DTNBP1: variants seen among roughly 807,000 people sequenced by gnomAD.
The protein encoded by DTNBP1 is dystrobrevin binding protein 1.
A neutral mutation model predicts 42.8 loss-of-function variants in DTNBP1; 35 were observed. The ratio of observed to expected loss-of-function variants is 0.82; its 90% CI spans 0.63 to 1.09. The LOEUF (loss-of-function observed/expected upper bound fraction) is 1.09. DTNBP1 is among the 50% of genes least tolerant of loss of function. DTNBP1 has a pLI of 0.00. For synonymous variants in DTNBP1, 171 were observed against 162.2 expected, an observed-to-expected ratio of 1.05 and a Z score of -0.41; for missense variants, 457 against 424.2, an observed-to-expected ratio of 1.08 and a Z score of -0.68.
intron 7 of DTNBP1, among the ~76,000 whole-genome samples, chr6:15,577,957 G>A (rs930620986): frequency 2.0e-5 from 3 of 152,236 alleles, no homozygotes; most frequent in African/African-American, 4.8e-5. Flanking sequence ...TATTAGTCAT[G>A]TGTTTACTTT....
Position 15,593,068 on chromosome 6 carries a change from T to C in DTNBP1, c.502A>G (p.Thr168Ala). 1 of 1,584,900 alleles carries C rather than the reference T, an allele frequency of 6.3e-7. No homozygotes were observed. The highest frequency in any genetic ancestry group is 8.6e-7 in the Non-Finnish European group (1 of 1,164,838). Residue 168 changes from threonine to alanine, a missense_variant, in exon 7 of 10, where the codon ACC becomes GCC. Transcript: ENST00000344537. ...ATTAACACAAAATTACCTTTGAAGG[T>C]TTCAAGTTCCTTCCTGTAGGAAAAA... is the stretch of plus-strand genomic sequence containing the variant. ...YKKNKRKELE[T>A]FKAELDAEHA...
intron 6 of DTNBP1, among the ~76,000 whole-genome samples, chr6:15,598,528 A>T (rs1776600401): frequency 6.6e-6 from 1 of 152,176 alleles, no homozygotes; most frequent in Non-Finnish European, 1.5e-5. Context: ...TCCCTTTGTT[A>T]TGGCTGATGG....
rs546274947 is a variant in DTNBP1 at position 15,558,721 on chromosome 6, T to C, written c.512-25326A>G. Reference sequence around the variant, plus strand: ...TAAACTGAATAAAACACTGAAATAATCTGTTTATGACTTTCTACTTAAAAT... The same window carrying C: ...TAAACTGAATAAAACACTGAAATAACCTGTTTATGACTTTCTACTTAAAAT... On this transcript the variant is annotated intron_variant, in intron 7 of 9. Transcript: ENST00000344537. Among the ~76,000 whole-genome samples the C allele has an allele frequency of 2.4e-4, 36 of 152,318 alleles. 1 individual carries two copies. Among genetic ancestry groups the C allele is most frequent in the Middle Eastern group, 6.8e-3 (2 of 294 alleles).
intron 7 of DTNBP1, among the ~76,000 whole-genome samples, chr6:15,544,279 T>C (rs1046005551): frequency 3.3e-5 from 5 of 152,230 alleles, no homozygotes; most frequent in African/African-American, 9.6e-5. Context: ...AGTAGAATTT[T>C]ATGGTATGGA....
intron 4 of DTNBP1, among the ~76,000 whole-genome samples, chr6:15,628,680 T>C (rs571166734): frequency 6.6e-6 from 1 of 152,306 alleles, no homozygotes; most frequent in Admixed American, 6.5e-5. Context: ...GTGTTAGGAT[T>C]ACAGGCATGA....
intron 7 of DTNBP1, among the ~76,000 whole-genome samples, chr6:15,565,560 A>G (rs554260132): frequency 7.4e-4 from 113 of 152,344 alleles, no homozygotes; most frequent in South Asian, 2.3e-3. Flanking sequence ...TATTATGCTA[A>G]GTGAAAGAAG....
At position 15,616,326 on chromosome 6, in the gene DTNBP1, G is replaced by A. The variant is rs142885738; in HGVS notation, c.356-927C>T. Among the ~76,000 whole-genome samples, 650 of 152,320 alleles carry A rather than the reference G, an allele frequency of 4.3e-3. 3 individuals are homozygous for A. Among genetic ancestry groups the A allele is most frequent in the Non-Finnish European group, 6.9e-3 (468 of 68,026 alleles). On this transcript the variant is annotated intron_variant, in intron 5 of 9. Coordinates refer to ENST00000344537, the MANE Select transcript of DTNBP1 (RefSeq NM_032122.5). ...CATAACTAGTTATCTATTATTCACT[G>A]ACATATGCCAGTCACTGTGCCAGTC... is the stretch of plus-strand genomic sequence containing the variant.
chr6:15,644,954 CAA>C (rs903755099), intron 3 of DTNBP1, among the ~76,000 whole-genome samples: 1 of 146,072 alleles, frequency 6.8e-6, no homozygotes, highest in Non-Finnish European at 1.5e-5. Context: ...AAATTGAGAC[CAA>C]AAAAAAACCA....
At chr6:15,559,829 GACT>G (rs1243324490) in intron 7 of DTNBP1, among the ~76,000 whole-genome samples, 7 of 152,128 alleles carry the variant, frequency 4.6e-5, no homozygotes, top group Non-Finnish European at 8.8e-5. Context: ...CTCGCCAACT[GACT>G]ACTACTTCTT....
intron 3 of DTNBP1, among the ~76,000 whole-genome samples, chr6:15,643,321 C>T (rs1406578674): frequency 6.6e-6 from 1 of 152,142 alleles, no homozygotes; most frequent in Non-Finnish European, 1.5e-5. Flanking sequence ...AAACCTTTCA[C>T]TTACTAGCAT....
intron 7 of DTNBP1, among the ~76,000 whole-genome samples, chr6:15,568,288 C>T (rs1281600553): frequency 6.6e-6 from 1 of 152,188 alleles, no homozygotes; most frequent in East Asian, 1.9e-4. Flanking sequence ...ATCCTTTCGT[C>T]CTCCAATCAT....
intron 6 of DTNBP1, among the ~76,000 whole-genome samples, chr6:15,613,192 C>T (rs1464028495): frequency 6.6e-6 from 1 of 151,500 alleles, no homozygotes; most frequent in Admixed American, 6.6e-5. Flanking sequence ...GCCTGTAATC[C>T]CAGCTACTCG....
intron 7 of DTNBP1, among the ~76,000 whole-genome samples, chr6:15,589,604 C>A (rs1776213258): frequency 6.6e-6 from 1 of 152,184 alleles, no homozygotes; most frequent in Non-Finnish European, 1.5e-5. Context: ...TGCTTCTGAG[C>A]CTAGCCCTGA....
chr6:15,573,699 T>C (rs1775436423), intron 7 of DTNBP1, among the ~76,000 whole-genome samples: 1 of 152,024 alleles, frequency 6.6e-6, no homozygotes, highest in Admixed American at 6.6e-5. Flanking sequence ...TTCTGTTTTG[T>C]TTTGTTTTCG....
intron 7 of DTNBP1, among the ~76,000 whole-genome samples, chr6:15,553,220 C>T (rs1774312436): frequency 6.6e-6 from 1 of 151,960 alleles, no homozygotes; most frequent in South Asian, 2.1e-4. Context: ...TGTAGGGTGG[C>T]CATTCTGACA....
chr6:15,533,118 G>T (rs1439000383), intron 8 of DTNBP1, 122 bp downstream of exon 8: 1 of 1,481,164 alleles, frequency 6.8e-7, no homozygotes, highest in Non-Finnish European at 9.2e-7. Flanking sequence ...TGGTTGCTGG[G>T]GTCTCATAAC....
At chr6:15,559,604 G>C (rs1774726663) in intron 7 of DTNBP1, among the ~76,000 whole-genome samples, 1 of 152,130 alleles carries the variant, frequency 6.6e-6, no homozygotes, top group African/African-American at 2.4e-5. Context: ...TGCACTATAG[G>C]TTTCTGAATC....
At chr6:15,584,017 C>T (rs1019003511) in intron 7 of DTNBP1, among the ~76,000 whole-genome samples, 1 of 152,026 alleles carries the variant, frequency 6.6e-6, no homozygotes. Flanking sequence ...CAATCAACTC[C>T]GTCTTAGAAA....
intron 5 of DTNBP1, among the ~76,000 whole-genome samples, chr6:15,619,152 T>C (rs190042575): frequency 2.0e-5 from 3 of 152,322 alleles, no homozygotes; most frequent in Admixed American, 6.5e-5. Flanking sequence ...TCTAGTATTC[T>C]ATAGCACTGT....
Sources: gnomAD v4.1 joint callset for allele counts (sites outside exome capture counted in the v4.1 genomes callset) on GRCh38, gnomAD v4.1.1 for gene constraint, MANE v1.5 for transcripts, NCBI Gene and HGNC (gene_info 2026-07-23, HGNC 2026-07-21) for gene names.